The following TBX2 variants were observed in gnomAD, a reference collection of about 807,000 sequenced individuals.
TBX2 encodes T-box transcription factor TBX2.
In TBX2, 19 loss-of-function variants were observed where a neutral mutation model predicts 48.4. The observed-to-expected ratio is 0.39, with a 90% CI of 0.27 to 0.58. The LOEUF is 0.58. TBX2 is among the 20% of genes least tolerant of loss of function. TBX2 has a pLI of 0.54. For synonymous variants in TBX2, 522 were observed against 459.7 expected (o/e 1.14, Z -1.73); for missense variants, 994 against 1,006.5 (o/e 0.99, Z 0.17).
chr17:61,405,331 A>T lies in TBX2; in HGVS notation c.1181A>T (p.Glu394Val). Residue 394 changes from glutamate (E) to valine (V), a missense_variant, in exon 6 of 7, where the codon GAG (glutamate) becomes GTG (valine). By Grantham distance (121) the Glu-to-Val change is moderately radical. Transcript: ENST00000240328. ...AGCCCCACTCGCTTGACCGAACCCG[A>T]GCGCGCCCGGGAGCGGCGTAGTCCC... ...SASPTRLTEP[E>V]RARERRSPER... 6.5e-7 allele frequency: 1 copy of T among 1,546,884 alleles called. No individual in the cohort carries two copies. Among genetic ancestry groups the T allele is most frequent in the Non-Finnish European group, 8.7e-7 (1 of 1,153,044 alleles).
At chr17:61,404,846 G>A (rs1687910989) in intron 5 of TBX2, 77 bp downstream of exon 5, 4 of 1,519,850 alleles carry the variant, frequency 2.6e-6, no homozygotes, top group Non-Finnish European at 3.5e-6. Context: ...CTTTTGCTGA[G>A]CCACCCGCTA....
rs1441659179 is a variant in TBX2 at position 61,401,675 on chromosome 17, C to T, written c.396-9C>T. On this transcript the variant is annotated splice_polypyrimidine_tract_variant and intron_variant, in intron 1 of 6. Coordinates refer to ENST00000240328, the MANE Select transcript of TBX2 (RefSeq NM_005994.4). ...TCCAATGGGATCTCCTCCCTTCCCT[C>T]CCTCCCAGGCGGATGTTCCCCCCCT... 10 of 1,608,884 alleles carry T rather than the reference C, an allele frequency of 6.2e-6. No homozygotes were observed. Among genetic ancestry groups the T allele is most frequent in the African/African-American group, 2.7e-5 (2 of 74,882 alleles).
chr17:61,403,287 C>T lies in TBX2; in HGVS notation c.810+80C>T, dbSNP rs1476807121. 1.5e-5 allele frequency: 24 copies of T among 1,565,632 alleles called. No homozygotes were observed. Among genetic ancestry groups the T allele is most frequent in the East Asian group, 2.3e-5 (1 of 43,350 alleles). ...CAGGCCCAACCGTCCGTTCATCGCC[C>T]CTCGAAGCCCCCTGCACGGGATCCG... On this transcript the variant is annotated intron_variant, in intron 3 of 6. Coordinates refer to ENST00000240328, the MANE Select transcript of TBX2 (RefSeq NM_005994.4). This position sits in a 1 kb window ranked among gnomAD's most constrained non-coding sequence, Gnocchi z 5.8.
rs1033634110 is a variant in TBX2 at position 61,400,661 on chromosome 17, C to T, written c.395+90C>T. The T allele has an allele frequency of 2.1e-5, 25 of 1,165,992 alleles. No individual in the cohort carries two copies. The Middle Eastern group carries it at 8.9e-4, about 42-fold the overall frequency. The allele number at this position is 1,165,992 out of a possible 1,614,324, so 72.2% of individuals were successfully genotyped here. ...GGATCAGAGCAGAGCTGGGGACTCC[C>T]GGCTCCCGGCTCCCGGCTCCAGGTT... On this transcript the variant is annotated intron_variant, in intron 1 of 6. Coordinates refer to ENST00000240328, the MANE Select transcript of TBX2 (RefSeq NM_005994.4). This position sits in a 1 kb window ranked among gnomAD's most constrained non-coding sequence, Gnocchi z 9.2.
chr17:61,403,852 G>C lies in TBX2; in HGVS notation c.811-569G>C, dbSNP rs75684271. Among the ~76,000 whole-genome samples the C allele has an allele frequency of 5.5e-3, 843 of 152,266 alleles. 25 individuals are homozygous for C. The highest frequency in any genetic ancestry group is 0.041 in the Admixed American group (624 of 15,294). ...TGCGCCACTGTCGAGTGAAAGAGAGGGTACGAGTGTCCGTGCCGGTCGTTG... is the reference window on the plus strand; with the variant it reads ...TGCGCCACTGTCGAGTGAAAGAGAGCGTACGAGTGTCCGTGCCGGTCGTTG... On this transcript the variant is annotated intron_variant, in intron 3 of 6. Coordinates refer to ENST00000240328, the MANE Select transcript of TBX2 (RefSeq NM_005994.4). The surrounding 1 kb of genome is among the most constrained non-coding windows in gnomAD (Gnocchi z 5.8).
intron 6 of TBX2, 126 bp from the exon 7 acceptor site, chr17:61,407,928 T>C: frequency 8.2e-7 from 1 of 1,226,318 alleles, no homozygotes; most frequent in East Asian, 2.4e-5. Flanking sequence ...GTGGTTATAG[T>C]TATGCGAATT....
chr17:61,404,914 G>C, intron 5 of TBX2, 145 bp downstream of exon 5: 1 of 1,334,886 alleles, frequency 7.5e-7, no homozygotes, highest in South Asian at 1.3e-5. Context: ...TTCCGTCCCG[G>C]GACTCCCCTA....
rs1459338021 is a variant in TBX2, at chr17:61,400,467, C to G, written c.291C>G (p.Pro97=). The G allele has an allele frequency of 8.1e-6, 13 of 1,599,834 alleles. No homozygotes were observed. The highest frequency in any genetic ancestry group is 9.4e-6 in the Non-Finnish European group (11 of 1,174,550). Residue 97 remains proline, a synonymous_variant, in exon 1 of 7, where the codon CCC becomes CCG. Transcript: ENST00000240328. The surrounding 1 kb of genome is among the most constrained non-coding windows in gnomAD (Gnocchi z 9.2). ...AHLRSLKSLE[P]EDEVEDDPKV... ...TGCGCTCCCTCAAGAGCCTGGAGCC[C>G]GAGGACGAGGTGGAGGACGACCCCA...
In TBX2 at chr17:61,408,666, A is replaced by G; in HGVS notation, c.*160A>G. 2 of 633,576 alleles carry G rather than the reference A, an allele frequency of 3.2e-6. No individual in the cohort carries two copies. The highest frequency in any genetic ancestry group is 3.9e-5 in the South Asian group (1 of 25,866). 39.2% of individuals were successfully genotyped at this position (633,576 alleles called of 1,614,324 possible). A position where few individuals can be genotyped will look rare whatever the true frequency, so the allele number is the denominator to read the frequency against. Reference sequence around the variant, plus strand: ...CTCGTCTGGCAAGTCGGGGCCTGGGACACTTCCCTGGGCCTCAACAAGGAT... The same window carrying G: ...CTCGTCTGGCAAGTCGGGGCCTGGGGCACTTCCCTGGGCCTCAACAAGGAT... On this transcript the variant is annotated 3_prime_UTR_variant, in exon 7 of 7. Coordinates refer to ENST00000240328, the MANE Select transcript of TBX2 (RefSeq NM_005994.4).
chr17:61,404,346 G>C, intron 3 of TBX2, 75 bp from the exon 4 acceptor site: 1 of 1,490,074 alleles, frequency 6.7e-7, no homozygotes. Context: ...GCCAGCACCC[G>C]CTGACCTCGG....
chr17:61,405,373 C>G lies in TBX2; in HGVS notation c.1223C>G (p.Pro408Arg). ...ERRSPERGKE[P>R]AESGGDGPFG... ...CGTAGTCCCGAGAGGGGCAAGGAGC[C>G]GGCCGAGAGCGGCGGGGACGGCCCG... The change falls in exon 6 of 7, where the codon CCG becomes CGG. Residue 408 changes from proline (P) to arginine (R), a missense_variant. This residue lies in a region of TBX2 where 639 missense variants were observed against 613.2 expected (regional missense o/e 1.04). Transcript: ENST00000240328. The G allele has an allele frequency of 6.5e-7, 1 of 1,546,248 alleles. No individual in the cohort carries two copies. The highest frequency in any genetic ancestry group is 8.7e-7 in the Non-Finnish European group (1 of 1,150,680).
intron 4 of TBX2, 23 bp from the exon 5 acceptor site, chr17:61,404,583 C>T: frequency 6.3e-7 from 1 of 1,591,044 alleles, no homozygotes; most frequent in Non-Finnish European, 8.6e-7. Context: ...CCCCGCTGAC[C>T]TGGTTCATCC....
rs2060290031 is a variant in TBX2, at chr17:61,406,607, A to C, written c.1686+771A>C. On this transcript the variant is annotated intron_variant, in intron 6 of 6. Transcript: ENST00000240328. This position sits in a 1 kb window ranked among gnomAD's most constrained non-coding sequence, Gnocchi z 5.7. The stretch of plus-strand genomic sequence containing the variant: ...GGAAAGATTTGGAATCTCTTCATTC[A>C]TTTTCTTCCCTCTGAGGTTTCTGGC... The C allele has an allele frequency of 6.6e-6, 1 of 152,122 alleles. No individual in the cohort carries two copies. The allele number at this position is 152,122 out of a possible 1,614,324, so 9.4% of individuals were successfully genotyped here.
rs2060258664 is a variant in TBX2 at position 61,400,295 on chromosome 17, C to T, written c.119C>T (p.Ala40Val). The T allele has an allele frequency of 1.8e-6, 2 of 1,131,798 alleles. No individual in the cohort carries two copies. The highest frequency in any genetic ancestry group is 3.1e-5 in the Admixed American group (1 of 32,450). 70.1% of individuals were successfully genotyped at this position (1,131,798 alleles called of 1,614,324 possible). The change falls in exon 1 of 7, where the codon GCA (alanine) becomes GTA (valine). Residue 40 changes from alanine to valine, a missense_variant. Physicochemically the swap from Ala to Val is moderately conservative, Grantham distance 64 (BLOSUM62 0). This residue lies in a region of TBX2 where 165 missense variants were observed against 136.8 expected (regional missense o/e 1.21). Coordinates refer to ENST00000240328, the MANE Select transcript of TBX2 (RefSeq NM_005994.4). The surrounding 1 kb of genome is among the most constrained non-coding windows in gnomAD (Gnocchi z 9.2). ...LAAAQPSFFP[A>V]LALPPGALAK... ...GCGGCGCAGCCCTCCTTCTTCCCGG[C>T]ACTCGCGCTGCCGCCCGGCGCGCTG...
In TBX2 at chr17:61,400,275, G is replaced by T. The variant is rs372758653; in HGVS notation, c.99G>T (p.Ala33=). Residue 33 remains alanine (A), a synonymous_variant, in exon 1 of 7, where the codon GCG becomes GCT. Transcript: ENST00000240328. This position sits in a 1 kb window ranked among gnomAD's most constrained non-coding sequence, Gnocchi z 9.2. ...DFPMSAFLAA[A]QPSFFPALAL... ...CCATGTCCGCCTTTCTGGCGGCGGC[G>T]CAGCCCTCCTTCTTCCCGGCACTCG... 87 of 1,184,818 alleles carry T rather than the reference G, an allele frequency of 7.3e-5. No homozygotes were observed. The African/African-American group carries it at 1.3e-3, about 17-fold the overall frequency. 73.4% of individuals were successfully genotyped at this position (1,184,818 alleles called of 1,614,324 possible).
rs780517343 is a variant in TBX2 at position 61,408,160 on chromosome 17, C to T, written c.1793C>T (p.Ala598Val). ...SALPATSAAA[A>V]AAAAAGSLSR... ...TTGCCCGCCACTAGTGCTGCAGCTG[C>T]CGCCGCCGCAGCCGCCGGCTCCCTC... is the stretch of plus-strand genomic sequence containing the variant. The change falls in exon 7 of 7, where the codon GCC becomes GTC. Residue 598 changes from alanine to valine, a missense_variant. Ala to Val is a moderately conservative substitution (Grantham distance 64). Transcript: ENST00000240328. 1 of 1,611,422 alleles carries T rather than the reference C, an allele frequency of 6.2e-7. No individual in the cohort carries two copies. Among genetic ancestry groups the T allele is most frequent in the Non-Finnish European group, 8.5e-7 (1 of 1,179,332 alleles).
At position 61,404,599 on chromosome 17, in the gene TBX2, T is replaced by C. The variant is rs747381841; in HGVS notation, c.888-7T>C. ...CCCGCTGACCTGGTTCATCCGCTCATCCCCAGGAAGCAGCTGACGCTGCCG... is the reference window on the plus strand; with the variant it reads ...CCCGCTGACCTGGTTCATCCGCTCACCCCCAGGAAGCAGCTGACGCTGCCG... On this transcript the variant is annotated splice_polypyrimidine_tract_variant and splice_region_variant and intron_variant, in intron 4 of 6. Transcript: ENST00000240328. 2 of 1,586,816 alleles carry C rather than the reference T, an allele frequency of 1.3e-6. No individual in the cohort carries two copies. Among genetic ancestry groups the C allele is most frequent in the Admixed American group, 1.7e-5 (1 of 57,786 alleles).
rs771032151 is a variant in TBX2, at chr17:61,405,740, G to C, written c.1590G>C (p.Ala530=). ...NGGGGGPGTA[A]GLDAGGLGPA... ...GAGGTGGCGGGCCTGGGACCGCCGCGGGGCTGGACGCAGGCGGGCTGGGTC... is the reference window on the plus strand; with the variant it reads ...GAGGTGGCGGGCCTGGGACCGCCGCCGGGCTGGACGCAGGCGGGCTGGGTC... Residue 530 remains alanine (A), a synonymous_variant, in exon 6 of 7, where the codon GCG becomes GCC. Coordinates refer to ENST00000240328, the MANE Select transcript of TBX2 (RefSeq NM_005994.4). 2.3e-5 allele frequency: 31 copies of C among 1,351,454 alleles called. No individual in the cohort carries two copies. The highest frequency in any genetic ancestry group is 2.6e-5 in the Non-Finnish European group (28 of 1,057,402). The allele number at this position is 1,351,454 out of a possible 1,614,324, so 83.7% of individuals were successfully genotyped here.
At chr17:61,405,910 G>A in intron 6 of TBX2, 74 bp downstream of exon 6, 1 of 1,241,802 alleles carries the variant, frequency 8.1e-7, no homozygotes, top group Non-Finnish European at 1.0e-6. Flanking sequence ...CCAGCGGAGG[G>A]CCTGAGGGGT....
Sources: gnomAD v4.1 joint callset for allele counts (sites outside exome capture counted in the v4.1 genomes callset) on GRCh38, gnomAD v4.1.1 for gene constraint, gnomAD v4.1.1 regional missense constraint, Gnocchi (gnomAD v3.1) non-coding constraint, MANE v1.5 for transcripts, NCBI Gene and HGNC (gene_info 2026-07-23, HGNC 2026-07-21) for gene names.